Variants in TMEM201 observed in about 807,000 individuals in gnomAD.
The protein encoded by TMEM201 is transmembrane protein 201.
TMEM201 carries 26 observed loss-of-function variants against 63.4 expected under a neutral mutation model. The ratio of observed to expected loss-of-function variants is 0.41; its 90% CI spans 0.30 to 0.57. TMEM201 has a LOEUF of 0.57. Ranked by LOEUF, TMEM201 falls within the 20% of genes least tolerant of loss-of-function variation. The pLI is 0.29. For missense variants in TMEM201, 794 were observed against 917.7 expected (o/e 0.87, Z 1.74); for synonymous variants, 417 against 421.6 (o/e 0.99, Z 0.14).
intron 6 of TMEM201, 38 bp downstream of exon 6, chr1:9,602,310 C>T (rs1376512167): frequency 5.6e-6 from 9 of 1,604,044 alleles, no homozygotes; most frequent in Middle Eastern, 2.2e-4. Context: ...GGAGGACACA[C>T]GGATGCTCAG....
In TMEM201 at chr1:9,601,284, T is replaced by C. The variant is rs1239506336; in HGVS notation, c.786T>C (p.Asn262=). 1.9e-6 allele frequency: 3 copies of C among 1,610,498 alleles called. No homozygotes were observed. In the South Asian group the frequency reaches 3.3e-5, roughly 18 times the overall value. The part of the protein sequence containing the change: ...PGGNGSATPD[N]GTTPGAEGWR... ...GCAATGGCTCAGCCACACCTGACAA[T>C]GGCACCACCCCTGGGGCCGAGGGCT... Residue 262 remains asparagine, a synonymous_variant, in exon 5 of 11, where the codon AAT becomes AAC. Coordinates refer to ENST00000340381, the MANE Select transcript of TMEM201 (RefSeq NM_001130924.3).
intron 1 of TMEM201, among the ~76,000 whole-genome samples, chr1:9,593,163 T>C (rs1643949540): frequency 6.6e-6 from 1 of 152,200 alleles, no homozygotes; most frequent in South Asian, 2.1e-4. Flanking sequence ...ACCCAGATGC[T>C]GCCTCAACAG....
At chr1:9,611,917 A>G (rs1644329779) in intron 10 of TMEM201, 27 bp downstream of exon 10, 6 of 830,406 alleles carry the variant, frequency 7.2e-6, no homozygotes, top group Non-Finnish European at 1.1e-5. Flanking sequence ...GCGGGAGGGG[A>G]GGGGGTGGGC....
rs947921398 is a variant in TMEM201, at chr1:9,602,544, C to A, written c.1160+272C>A. 8.0e-6 allele frequency: 11 copies of A among 1,367,984 alleles called. 1 individual carries two copies. In the East Asian group the frequency reaches 2.9e-4, roughly 35 times the overall value. 84.7% of individuals were successfully genotyped at this position (1,367,984 alleles called of 1,614,324 possible). A position where few individuals can be genotyped will look rare whatever the true frequency, so the allele number is the denominator to read the frequency against. On this transcript the variant is annotated intron_variant, in intron 6 of 10. Coordinates refer to ENST00000340381, the MANE Select transcript of TMEM201 (RefSeq NM_001130924.3). ...CCACCTCTCTGGCCAATGGCCCTTT[C>A]ACTGGCCTGGTGACTGGAATGTGGG...
chr1:9,601,153 G>A lies in TMEM201; in HGVS notation c.655G>A (p.Ala219Thr), dbSNP rs770547918. 5 of 1,607,770 alleles carry A rather than the reference G, an allele frequency of 3.1e-6. No homozygotes were observed. The highest frequency in any genetic ancestry group is 4.3e-6 in the Non-Finnish European group (5 of 1,175,220). The change falls in exon 5 of 11, where the codon GCC (alanine) becomes ACC (threonine). Residue 219 changes from alanine (A) to threonine (T), a missense_variant. Transcript: ENST00000340381. Reference sequence around the variant, plus strand: ...CCCGGTCCAGGTCATCCTGCTCCGTGCCCTCGCCTTCCTGGCCTGCGCCTT... The same window carrying A: ...CCCGGTCCAGGTCATCCTGCTCCGTACCCTCGCCTTCCTGGCCTGCGCCTT... ...KSPVQVILLR[A>T]LAFLACAFLL...
intron 3 of TMEM201, among the ~76,000 whole-genome samples, chr1:9,597,359 G>C (rs1424347767): frequency 2.6e-5 from 4 of 152,210 alleles, no homozygotes; most frequent in Non-Finnish European, 5.9e-5. Context: ...CAGTCCAGAG[G>C]AATTTGTCCC....
At chr1:9,599,203 G>A (rs1322656240) in intron 4 of TMEM201, among the ~76,000 whole-genome samples, 2 of 151,354 alleles carry the variant, frequency 1.3e-5, no homozygotes, top group Non-Finnish European at 2.9e-5. Flanking sequence ...GCCTCCCAAA[G>A]TGCTGGGATT....
Position 9,598,450 on chromosome 1 carries a change from G to A in TMEM201, c.431G>A (p.Gly144Asp). 1 of 1,612,384 alleles carries A rather than the reference G, an allele frequency of 6.2e-7. No individual in the cohort carries two copies. Among genetic ancestry groups the A allele is most frequent in the Non-Finnish European group, 8.5e-7 (1 of 1,178,738 alleles). ...GAGCCTGTTCCCCCAACCCCACAGG[G>A]CAGGTATGACGAGGAGGTCGAGGTG... ...QLAAFAPREEGRYDEEVEVYR... is the reference protein window; with the variant it reads ...QLAAFAPREEDRYDEEVEVYR... Residue 144 changes from glycine to aspartate, a missense_variant and splice_region_variant, in exon 4 of 11, where the codon GGC becomes GAC. Gly to Asp is a moderately conservative substitution (Grantham distance 94). Coordinates refer to ENST00000340381, the MANE Select transcript of TMEM201 (RefSeq NM_001130924.3).
rs1644269889 is a variant in TMEM201 at position 9,607,863 on chromosome 1, GT to G, written c.1393+75del. The G allele has an allele frequency of 1.4e-6, 2 of 1,381,334 alleles. No individual in the cohort carries two copies. Among genetic ancestry groups the G allele is most frequent in the Non-Finnish European group, 2.0e-6 (2 of 1,012,958 alleles). The allele number at this position is 1,381,334 out of a possible 1,614,324, so 85.6% of individuals were successfully genotyped here. On this transcript the variant is annotated intron_variant, in intron 7 of 10. Coordinates refer to ENST00000340381, the MANE Select transcript of TMEM201 (RefSeq NM_001130924.3). The surrounding 1 kb of genome is among the most constrained non-coding windows in gnomAD (Gnocchi z 5.4). ...GGACAGAACTGTGGATGGGTACATAGTGTAGGGAGGGCCGGGAGTGGTTAGT... is the reference window on the plus strand; with the variant it reads ...GGACAGAACTGTGGATGGGTACATAGGTAGGGAGGGCCGGGAGTGGTTAGT...
At chr1:9,602,941 G>A (rs1025691855) in intron 6 of TMEM201, 11 of 985,604 alleles carry the variant, frequency 1.1e-5, no homozygotes, top group Non-Finnish European at 1.3e-5. Context: ...CCGAGTCCCC[G>A]GAAATGGAGA....
At position 9,607,750 on chromosome 1, in the gene TMEM201, G is replaced by A. The variant is rs1438058285; in HGVS notation, c.1354G>A (p.Ala452Thr). ...CTCATTGCCTGGCCGCCTCAGCCGG[G>A]CCCTCTCTCTGGGAACCATACCCTC... ...PSSLPGRLSR[A>T]LSLGTIPSLT... The change falls in exon 7 of 11, where the codon GCC becomes ACC. Residue 452 changes from alanine (A) to threonine (T), a missense_variant. By Grantham distance (58) the Ala-to-Thr change is moderately conservative (BLOSUM62 0). Transcript: ENST00000340381. This position sits in a 1 kb window ranked among gnomAD's most constrained non-coding sequence, Gnocchi z 5.4. 1.9e-6 allele frequency: 3 copies of A among 1,551,538 alleles called. No homozygotes were observed. The African/African-American group carries it at 4.1e-5, about 21-fold the overall frequency.
intron 5 of TMEM201, 60 bp from the exon 6 acceptor site, chr1:9,602,009 A>C: frequency 6.4e-7 from 1 of 1,564,156 alleles, no homozygotes; most frequent in Non-Finnish European, 8.7e-7. Flanking sequence ...GGCAGGAAGG[A>C]AGGCGTGGAC....
chr1:9,602,023 G>A (rs1477633730), intron 5 of TMEM201, 46 bp from the exon 6 acceptor site: 2 of 1,587,620 alleles, frequency 1.3e-6, no homozygotes, highest in Middle Eastern at 1.9e-4. Flanking sequence ...CGTGGACCCA[G>A]GAGGTCTTGT....
rs962513015 is a variant in TMEM201 at position 9,614,243 on chromosome 1, G to T, written c.*1160G>T. 4 of 152,148 alleles carry T rather than the reference G, an allele frequency of 2.6e-5. No homozygotes were observed. The highest frequency in any genetic ancestry group is 9.7e-5 in the African/African-American group (4 of 41,418). The allele number at this position is 152,148 out of a possible 1,614,324, so 9.4% of individuals were successfully genotyped here. ...AGACTCACTGTGGGGCGGGAAGAAG[G>T]GTCTTCACTCTGCCATTCAGGGATA... On this transcript the variant is annotated 3_prime_UTR_variant, in exon 11 of 11. Coordinates refer to ENST00000340381, the MANE Select transcript of TMEM201 (RefSeq NM_001130924.3).
chr1:9,601,057 G>T (rs776480595), intron 4 of TMEM201, 48 bp from the exon 5 acceptor site: 1 of 1,503,262 alleles, frequency 6.7e-7, no homozygotes, highest in Non-Finnish European at 9.1e-7. Flanking sequence ...ATGGCTGGGG[G>T]TGGCTCTGTG....
At chr1:9,609,775 A>G in intron 7 of TMEM201, 65 bp from the exon 8 acceptor site, 1 of 1,466,738 alleles carries the variant, frequency 6.8e-7, no homozygotes, top group Non-Finnish European at 9.3e-7. Context: ...TCGGCAGAGC[A>G]TTTGTGGGGG....
chr1:9,610,838 G>C lies in TMEM201; in HGVS notation c.1765+33G>C, dbSNP rs959755235. On this transcript the variant is annotated intron_variant, in intron 9 of 10. Coordinates refer to ENST00000340381, the MANE Select transcript of TMEM201 (RefSeq NM_001130924.3). The surrounding 1 kb of genome is among the most constrained non-coding windows in gnomAD (Gnocchi z 4.9). ...CTTCTGACCACCCCAAGGGGCCGTG[G>C]GAGGGCCTCTGCTGCCAAGAGGCCT... 3 of 1,510,102 alleles carry C rather than the reference G, an allele frequency of 2.0e-6. No homozygotes were observed. In the African/African-American group the frequency reaches 4.2e-5, roughly 21 times the overall value. The allele number at this position is 1,510,102 out of a possible 1,614,324, so 93.5% of individuals were successfully genotyped here. A position where few individuals can be genotyped will look rare whatever the true frequency, so the allele number is the denominator to read the frequency against.
chr1:9,600,638 G>T (rs1456195748), intron 4 of TMEM201, among the ~76,000 whole-genome samples: 1 of 152,200 alleles, frequency 6.6e-6, no homozygotes, highest in East Asian at 1.9e-4. Flanking sequence ...GCTCAACTTG[G>T]CTGGGCGCGG....
In TMEM201 at chr1:9,602,218, C is replaced by T. The variant is rs571367953; in HGVS notation, c.1106C>T (p.Thr369Met). Residue 369 changes from threonine (T) to methionine (M), a missense_variant, in exon 6 of 11, where the codon ACG becomes ATG. By Grantham distance (81) the Thr-to-Met change is moderately conservative (BLOSUM62 -1). Coordinates refer to ENST00000340381, the MANE Select transcript of TMEM201 (RefSeq NM_001130924.3). ...TCTTTGTGCTGCCTGGTTGGCTTCA[C>T]GGCGGCTGTGGCCACAAGGAAGGCA... ...TTSLCCLVGF[T>M]AAVATRKATG... The T allele has an allele frequency of 8.7e-6, 14 of 1,612,668 alleles. No individual in the cohort carries two copies. Among genetic ancestry groups the T allele is most frequent in the South Asian group, 2.2e-5 (2 of 91,054 alleles).
Sources: allele counts gnomAD v4.1 joint callset (sites outside exome capture counted in the v4.1 genomes callset), GRCh38; gene constraint gnomAD v4.1.1; non-coding constraint Gnocchi (gnomAD v3.1); transcripts MANE v1.5; gene names NCBI Gene and HGNC (gene_info 2026-07-23, HGNC 2026-07-21).